The following RELL1 variants were observed in gnomAD, a reference collection of about 807,000 sequenced individuals.
RELL1 encodes RELT-like protein 1.
In RELL1, 10 loss-of-function variants were observed where a neutral mutation model predicts 23.0. The ratio of observed to expected loss-of-function variants is 0.43; its 90% CI spans 0.27 to 0.74. The LOEUF (loss-of-function observed/expected upper bound fraction) is 0.74. RELL1 is among the 30% of genes least tolerant of loss of function. The pLI is 0.19. For missense variants in RELL1, 315 were observed against 364.4 expected (o/e 0.86, Z 1.10); for synonymous variants, 146 against 146.8 (o/e 0.99, Z 0.04).
chr4:37,621,027 A>G (rs932664728), intron 6 of RELL1, among the ~76,000 whole-genome samples: 3 of 152,218 alleles, frequency 2.0e-5, no homozygotes, highest in African/African-American at 7.2e-5. Flanking sequence ...CAAGATCTTG[A>G]GCGCAAGAAG....
intron 5 of RELL1, among the ~76,000 whole-genome samples, chr4:37,634,098 G>A (rs1448520151): frequency 6.6e-6 from 1 of 152,206 alleles, no homozygotes. Context: ...CAGCAGAACT[G>A]CAAAAGCATC....
chr4:37,588,781 G>C, downstream of RELL1: 1 of 1,218,024 alleles, frequency 8.2e-7, no homozygotes, highest in Non-Finnish European at 1.2e-6. Flanking sequence ...AAAAAAAAAG[G>C]CAAACTTAAT....
At chr4:37,617,255 C>G (rs943703030) in intron 6 of RELL1, among the ~76,000 whole-genome samples, 2 of 152,150 alleles carry the variant, frequency 1.3e-5, no homozygotes, top group African/African-American at 4.8e-5. Context: ...CTCTGCTTTC[C>G]TATAAGGTGC....
chr4:37,604,834 C>CACACACACACACACAT (rs1719124803), intron 6 of RELL1, among the ~76,000 whole-genome samples: 32 of 105,352 alleles, frequency 3.0e-4, no homozygotes, highest in Non-Finnish European at 4.5e-4. Context: ...CACACACATA[C>CACACACACACACACAT]ACACAGACAC....
intron 1 of RELL1, among the ~76,000 whole-genome samples, chr4:37,679,951 C>CA (rs942932172): frequency 1.5e-4 from 23 of 148,682 alleles, no homozygotes; most frequent in East Asian, 2.0e-4. Context: ...GACTCCATCT[C>CA]AAAAAAAAAA....
In RELL1 at chr4:37,617,285, G is replaced by A. The variant is rs116616938; in HGVS notation, c.*4-3943C>T. Among the ~76,000 whole-genome samples the A allele has an allele frequency of 7.6e-3, 1,161 of 152,258 alleles. 14 individuals are homozygous for A. Among genetic ancestry groups the A allele is most frequent in the African/African-American group, 0.026 (1,073 of 41,554 alleles). On this transcript the variant is annotated intron_variant, in intron 6 of 6. Coordinates refer to ENST00000454158, the MANE Select transcript of RELL1 (RefSeq NM_001085400.2). ...AGGTGCTTCATTGATTCTAATGCAC[G>A]TATGAAGGTTTAAGCTTTTAGGTAA... is the stretch of plus-strand genomic sequence containing the variant.
chr4:37,649,063 G>C (rs547646290), intron 2 of RELL1, among the ~76,000 whole-genome samples: 1 of 152,310 alleles, frequency 6.6e-6, no homozygotes, highest in South Asian at 2.1e-4. Context: ...AGGCCACAGG[G>C]CAAGAAAGGG....
chr4:37,621,660 A>T (rs1308907746), intron 6 of RELL1, among the ~76,000 whole-genome samples: 1 of 152,164 alleles, frequency 6.6e-6, no homozygotes, highest in Non-Finnish European at 1.5e-5. Context: ...TTCTGCAGTG[A>T]AAAGAGCAGA....
intron 6 of RELL1, among the ~76,000 whole-genome samples, chr4:37,615,083 G>A (rs1221678223): frequency 6.6e-6 from 1 of 152,166 alleles, no homozygotes; most frequent in Non-Finnish European, 1.5e-5. Flanking sequence ...TTTGACATGA[G>A]ATGATCCTAT....
chr4:37,649,010 A>G (rs1200217443), intron 2 of RELL1, among the ~76,000 whole-genome samples: 1 of 152,246 alleles, frequency 6.6e-6, no homozygotes, highest in East Asian at 1.9e-4. Flanking sequence ...ATTTAAGTGA[A>G]ATTATACATG....
chr4:37,664,372 C>CAAAAAAAA (rs11286230), intron 1 of RELL1, among the ~76,000 whole-genome samples: 1 of 134,500 alleles, frequency 7.4e-6, no homozygotes, highest in African/African-American at 2.7e-5. Context: ...GACTCCATCT[C>CAAAAAAAA]AAAAAAAAAA....
At chr4:37,596,767 A>G (rs1560319989) in intron 6 of RELL1, among the ~76,000 whole-genome samples, 1 of 21,368 alleles carries the variant, frequency 4.7e-5, no homozygotes, top group Non-Finnish European at 1.3e-4. Flanking sequence ...TTTTTTTTTG[A>G]GATGGAGATT....
At chr4:37,608,562 G>A (rs547526683), downstream of RELL1, among the ~76,000 whole-genome samples, 6 of 152,154 alleles carry the variant, frequency 3.9e-5, no homozygotes, top group South Asian at 1.2e-3. Context: ...TGAAAGAAGT[G>A]AGGAAGCTGC....
chr4:37,647,844 T>C (rs3934003), intron 2 of RELL1, among the ~76,000 whole-genome samples: 33,435 of 152,166 alleles, frequency 0.22, 4,152 homozygotes, highest in Middle Eastern at 0.3. Flanking sequence ...ACAATATTAA[T>C]TTCCTTTTTA....
At chr4:37,624,251 C>T (rs937461834) in intron 6 of RELL1, among the ~76,000 whole-genome samples, 7 of 152,202 alleles carry the variant, frequency 4.6e-5, no homozygotes, top group East Asian at 1.9e-4. Context: ...AGCAGAACAC[C>T]GGCACAGCAG....
chr4:37,604,600 C>G (rs769303605), intron 6 of RELL1, among the ~76,000 whole-genome samples: 24 of 151,870 alleles, frequency 1.6e-4, no homozygotes, highest in Admixed American at 4.6e-4. Flanking sequence ...AAAATCTCAA[C>G]CAGGATATGA....
At chr4:37,630,356 G>GTTTTTTTT (rs59763359) in intron 6 of RELL1, among the ~76,000 whole-genome samples, 1 of 86,734 alleles carries the variant, frequency 1.2e-5, no homozygotes, top group Non-Finnish European at 2.2e-5. Flanking sequence ...TGTGTGTGTG[G>GTTTTTTTT]TTTTTTTTTT....
At chr4:37,654,643 G>GGTT (rs1282701270) in intron 1 of RELL1, among the ~76,000 whole-genome samples, 1 of 152,128 alleles carries the variant, frequency 6.6e-6, no homozygotes, top group Non-Finnish European at 1.5e-5. Context: ...AAATAGCAAA[G>GGTT]GTTGTTGCAT....
intron 1 of RELL1, among the ~76,000 whole-genome samples, chr4:37,659,304 G>A (rs755313515): frequency 1.4e-4 from 21 of 152,220 alleles, no homozygotes; most frequent in Non-Finnish European, 2.4e-4. Flanking sequence ...AAAAGAAAAC[G>A]TGAGATGAAA....
Sources: gnomAD v4.1 joint callset for allele counts (sites outside exome capture counted in the v4.1 genomes callset) on GRCh38, gnomAD v4.1.1 for gene constraint, MANE v1.5 for transcripts, NCBI Gene and HGNC (gene_info 2026-07-23, HGNC 2026-07-21) for gene names.